Variants in TCL1A observed in about 807,000 individuals in gnomAD.
The protein encoded by TCL1A is T-cell leukemia/lymphoma protein 1A.
TCL1A carries 9 observed loss-of-function variants against 16.9 expected under a neutral mutation model. That is an observed-to-expected ratio of 0.53 (90% CI 0.32 to 0.93). The LOEUF is 0.93. Ranked by LOEUF, TCL1A falls within the 40% of genes least tolerant of loss-of-function variation. The pLI is 0.04. For synonymous variants in TCL1A, 69 were observed against 63.2 expected (o/e 1.09, Z -0.44); for missense variants, 139 against 153.0 (o/e 0.91, Z 0.48).
intron 1 of TCL1A, among the ~76,000 whole-genome samples, chr14:95,713,714 A>T (rs1886460777): frequency 6.6e-6 from 1 of 152,172 alleles, no homozygotes; most frequent in African/African-American, 2.4e-5. Flanking sequence ...GTCACACTCC[A>T]CAGGCACTGG....
intron 1 of TCL1A, among the ~76,000 whole-genome samples, chr14:95,713,144 A>G (rs1014475281): frequency 2.0e-5 from 3 of 152,204 alleles, no homozygotes; most frequent in Non-Finnish European, 1.5e-5. Flanking sequence ...CCTACTAGCA[A>G]TCTTACCTCG....
At position 95,714,088 on chromosome 14, in the gene TCL1A, A is replaced by G; in HGVS notation, c.-22T>C. ...CCATGGCGTCCTCGGGCCGCCTAAG[A>G]AGCAAGAGCCAGAGCCTCTCAAGGC... On this transcript the variant is annotated 5_prime_UTR_variant, in exon 1 of 4. Transcript: ENST00000402399. 6.2e-7 allele frequency: 1 copy of G among 1,612,422 alleles called. No homozygotes were observed. Among genetic ancestry groups the G allele is most frequent in the South Asian group, 1.1e-5 (1 of 91,044 alleles).
chr14:95,713,328 A>G (rs561638598), intron 1 of TCL1A, among the ~76,000 whole-genome samples: 1 of 152,240 alleles, frequency 6.6e-6, no homozygotes, highest in African/African-American at 2.4e-5. Flanking sequence ...TTCATTGAGT[A>G]AATCCAAATA....
At chr14:95,713,175 C>G in intron 1 of TCL1A, among the ~76,000 whole-genome samples, 1 of 152,202 alleles carries the variant, frequency 6.6e-6, no homozygotes, top group Non-Finnish European at 1.5e-5. Context: ...CATTTTTGTG[C>G]CTCAGTTTCC....
chr14:95,714,081 G>A lies in TCL1A; in HGVS notation c.-15C>T. 6.2e-7 allele frequency: 1 copy of A among 1,612,670 alleles called. No homozygotes were observed. The highest frequency in any genetic ancestry group is 8.5e-7 in the Non-Finnish European group (1 of 1,179,862). On this transcript the variant is annotated 5_prime_UTR_variant, in exon 1 of 4. Transcript: ENST00000402399. ...CACTCGGCCATGGCGTCCTCGGGCC[G>A]CCTAAGAAGCAAGAGCCAGAGCCTC...
rs767730962 is a variant in TCL1A, at chr14:95,713,947, C to G, written c.120G>C (p.Glu40Asp). 4 of 1,613,610 alleles carry G rather than the reference C, an allele frequency of 2.5e-6. No individual in the cohort carries two copies. The highest frequency in any genetic ancestry group is 1.3e-5 in the African/African-American group (1 of 75,052). The change falls in exon 1 of 4, where the codon GAG (glutamate) becomes GAC (aspartate). Residue 40 changes from glutamate (E) to aspartate (D), a missense_variant and splice_region_variant. By Grantham distance (45) the Glu-to-Asp change is conservative (BLOSUM62 2). Around this residue, in one of 2 missense-constraint regions of TCL1A, gnomAD observed 94 missense variants for 80.2 expected, o/e 1.17. Transcript: ENST00000402399. ...CCATCCGCTCCAAAGCTGGCTGTAC[C>G]TCGATGGTTAAGGGCAGCCAGGCGT... ...KQHAWLPLTI[E>D]IKDRLQLRVL... is the part of the protein sequence containing the mutation.
intron 1 of TCL1A, among the ~76,000 whole-genome samples, chr14:95,713,560 G>A (rs183462181): frequency 4.6e-5 from 7 of 152,246 alleles, no homozygotes; most frequent in East Asian, 1.9e-4. Flanking sequence ...AAACTGTTGA[G>A]GGTTCTTTTT....
Position 95,710,844 on chromosome 14 carries a change from C to G in TCL1A, c.*44G>C, listed in dbSNP as rs558965307. 118 of 153,140 alleles carry G rather than the reference C, an allele frequency of 7.7e-4. No individual in the cohort carries two copies. The highest frequency in any genetic ancestry group is 1.2e-3 in the Non-Finnish European group (80 of 68,688). 9.5% of individuals were successfully genotyped at this position (153,140 alleles called of 1,614,324 possible). On this transcript the variant is annotated 3_prime_UTR_variant, in exon 4 of 4. Coordinates refer to ENST00000402399, the MANE Select transcript of TCL1A (RefSeq NM_021966.3). ...ATCCCCATTGTAGGCTGGCCAGGCT[C>G]AGGCCCTGGGGTGAAAGGAGACAGG...
At chr14:95,711,957 G>T in intron 2 of TCL1A, 155 bp from the exon 3 acceptor site, 1 of 1,014,632 alleles carries the variant, frequency 9.9e-7, no homozygotes, top group Non-Finnish European at 1.4e-6. Flanking sequence ...CCTCCCACCA[G>T]CCTTCAGCCT....
chr14:95,713,818 T>G (rs192696144), intron 1 of TCL1A, 129 bp downstream of exon 1: 3 of 1,404,626 alleles, frequency 2.1e-6, no homozygotes, highest in African/African-American at 2.9e-5. Flanking sequence ...CGGCTCAAAG[T>G]GGCTTCATCT....
At chr14:95,711,530 A>G (rs566258193) in intron 3 of TCL1A, 1 of 552,768 alleles carries the variant, frequency 1.8e-6, no homozygotes, top group African/African-American at 1.9e-5. Context: ...TACTTTATAG[A>G]TATGAGCAGC....
At chr14:95,712,548 C>T in intron 1 of TCL1A, 152 bp from the exon 2 acceptor site, 2 of 1,468,778 alleles carry the variant, frequency 1.4e-6, no homozygotes, top group Non-Finnish European at 1.8e-6. Flanking sequence ...CCCTGAAGCT[C>T]ACTTCCTTAG....
intron 1 of TCL1A, among the ~76,000 whole-genome samples, chr14:95,713,222 G>T (rs141586311): frequency 2.2e-3 from 329 of 152,204 alleles, no homozygotes; most frequent in African/African-American, 7.2e-3. Flanking sequence ...AATAATTTTT[G>T]ATTGCTACTG....
chr14:95,711,827 G>T (rs1479649130), intron 2 of TCL1A, 25 bp from the exon 3 acceptor site: 2 of 1,604,918 alleles, frequency 1.2e-6, no homozygotes, highest in Non-Finnish European at 1.7e-6. Flanking sequence ...GAGAGAGAAG[G>T]CATTGATCGG....
At chr14:95,711,287 G>A (rs1402580952) in intron 3 of TCL1A, among the ~76,000 whole-genome samples, 7 of 135,018 alleles carry the variant, frequency 5.2e-5, no homozygotes, top group South Asian at 2.3e-4. Flanking sequence ...GTGAAACCCC[G>A]TCTCTACTAA....
At position 95,713,994 on chromosome 14, in the gene TCL1A, C is replaced by A. The variant is rs1357017975; in HGVS notation, c.73G>T (p.Val25Leu). The change falls in exon 1 of 4, where the codon GTG becomes TTG. Residue 25 changes from valine to leucine, a missense_variant. This residue lies in a region of TCL1A where 94 missense variants were observed against 80.2 expected (regional missense o/e 1.17). Coordinates refer to ENST00000402399, the MANE Select transcript of TCL1A (RefSeq NM_021966.3). ...PDRLWAWEKF[V>L]YLDEKQHAWL... is the part of the protein sequence containing the mutation. ...GCGTGCTGCTTCTCGTCCAAATACA[C>A]GAACTTCTCCCAGGCCCACAGGCGG... The A allele has an allele frequency of 6.2e-7, 1 of 1,614,012 alleles. No individual in the cohort carries two copies.
intron 2 of TCL1A, 123 bp downstream of exon 2, chr14:95,712,097 A>C: frequency 2.4e-6 from 3 of 1,254,616 alleles, no homozygotes; most frequent in Non-Finnish European, 3.4e-6. Flanking sequence ...CTGCACTTGT[A>C]CATTTCCCCC....
At position 95,714,107 on chromosome 14, in the gene TCL1A, T is replaced by C. The variant is rs1023504180; in HGVS notation, c.-41A>G. 3 of 1,607,090 alleles carry C rather than the reference T, an allele frequency of 1.9e-6. No individual in the cohort carries two copies. The highest frequency in any genetic ancestry group is 2.7e-5 in the African/African-American group (2 of 74,832). On this transcript the variant is annotated 5_prime_UTR_variant, in exon 1 of 4. Coordinates refer to ENST00000402399, the MANE Select transcript of TCL1A (RefSeq NM_021966.3). ...CCTAAGAAGCAAGAGCCAGAGCCTC[T>C]CAAGGCCGCTCGCTGGTCCCTGGGA...
chr14:95,713,722 T>G (rs1886461891), intron 1 of TCL1A, among the ~76,000 whole-genome samples: 2 of 152,320 alleles, frequency 1.3e-5, no homozygotes, highest in African/African-American at 4.8e-5. Context: ...CCACAGGCAC[T>G]GGGTCCACCC....
Sources: allele counts gnomAD v4.1 joint callset (sites outside exome capture counted in the v4.1 genomes callset), GRCh38; gene constraint gnomAD v4.1.1; regional missense constraint gnomAD v4.1.1; transcripts MANE v1.5; gene names NCBI Gene and HGNC (gene_info 2026-07-23, HGNC 2026-07-21).